Variants in PCDHA4 observed in about 807,000 individuals in gnomAD.
PCDHA4 encodes protocadherin alpha-4.
Under a neutral mutation model 61.4 loss-of-function variants are expected in PCDHA4, and 49 were observed. The ratio of observed to expected loss-of-function variants is 0.80; its 90% CI spans 0.63 to 1.01. The LOEUF is 1.01. PCDHA4 is among the 50% of genes least tolerant of loss of function. The pLI, the probability that PCDHA4 is intolerant of heterozygous loss-of-function variation, is 0.00. For synonymous variants in PCDHA4, 590 were observed against 550.3 expected (o/e 1.07, Z -1.01); for missense variants, 1,254 against 1,235.8 (o/e 1.01, Z -0.22).
chr5:140,858,371 C>G, intron 1 of PCDHA4: 1 of 1,588,766 alleles, frequency 6.3e-7, no homozygotes, highest in Non-Finnish European at 8.6e-7. Context: ...CCCCAGCCTT[C>G]CACCATGCCC....
chr5:141,006,177 AAG>A (rs2098258661), intron 3 of PCDHA4, among the ~76,000 whole-genome samples: 2 of 151,826 alleles, frequency 1.3e-5, no homozygotes, highest in African/African-American at 4.8e-5. Context: ...ATATTTTTAA[AAG>A]AGTTTGCTAT....
At chr5:140,988,828 A>C (rs1554250455) in intron 3 of PCDHA4, 1 of 152,170 alleles carries the variant, frequency 6.6e-6, no homozygotes, top group Non-Finnish European at 1.5e-5. Flanking sequence ...CCAAACAGAG[A>C]TCACGTGTCT....
chr5:140,870,825 C>G (rs1554164734), intron 1 of PCDHA4: 1 of 1,613,726 alleles, frequency 6.2e-7, no homozygotes. Flanking sequence ...GCGCGGGAGG[C>G]GCAGTTAACA....
rs781866730 is a variant in PCDHA4 at position 141,009,887 on chromosome 5, CAG to C, written c.2795_2796del (p.Gln932ArgfsTer11). ...GAAAAAGAAGAAGGGTAACAAGACCCAGGAGAAAAAAGAGAAAGGGAACAGCA... is the reference window on the plus strand; with the variant it reads ...GAAAAAGAAGAAGGGTAACAAGACCCGAGAAAAAAGAGAAAGGGAACAGCA... ...KKKKKKGNKTQEKKEKGNSTT... is the reference protein window; with the variant it reads ...KKKKKKGNKTXEKKEKGNSTT... On this transcript the variant is annotated frameshift_variant, in exon 4 of 4. Transcript: ENST00000530339. LOFTEE classifies it high-confidence loss of function. 1.9e-6 allele frequency: 3 copies of C among 1,612,850 alleles called. No homozygotes were observed. In the South Asian group the frequency reaches 3.3e-5, roughly 18 times the overall value.
intron 2 of PCDHA4, 26 bp downstream of exon 2, chr5:140,979,033 C>G: frequency 6.2e-7 from 1 of 1,613,044 alleles, no homozygotes; most frequent in Admixed American, 1.7e-5. Flanking sequence ...CTCATTCACT[C>G]AGAAGTAACC....
At position 140,886,685 on chromosome 5, in the gene PCDHA4, G is replaced by A. The variant is rs1250817978; in HGVS notation, c.2385+77113G>A. On this transcript the variant is annotated intron_variant, in intron 1 of 3. Transcript: ENST00000530339. The stretch of plus-strand genomic sequence containing the variant: ...TACTAAAAATACAAAAATTAGCGAG[G>A]CATGGTGGCACGCGCCTGTAATCCC... Among the ~76,000 whole-genome samples the A allele has an allele frequency of 2.6e-5, 4 of 152,080 alleles. No homozygotes were observed. In the East Asian group the frequency reaches 7.8e-4, roughly 30 times the overall value.
chr5:140,875,876 A>C, intron 1 of PCDHA4: 1 of 1,614,178 alleles, frequency 6.2e-7, no homozygotes, highest in South Asian at 1.1e-5. Flanking sequence ...GTGTTCAGAG[A>C]AAGGGAACAA....
At chr5:141,000,385 CTCTCTCTCTCTATA>C (rs1173975015) in intron 3 of PCDHA4, among the ~76,000 whole-genome samples, 30 of 64,968 alleles carry the variant, frequency 4.6e-4, no homozygotes, top group African/African-American at 1.8e-3. Context: ...CTCTCTCTCT[CTCTCTCTCTCTATA>C]TATATATATA....
intron 1 of PCDHA4, chr5:140,867,897 T>C (rs1402943903): frequency 6.6e-6 from 1 of 152,136 alleles, no homozygotes; most frequent in East Asian, 1.9e-4. Flanking sequence ...ATCAGGTACT[T>C]ACAGAAGGTA....
intron 1 of PCDHA4, among the ~76,000 whole-genome samples, chr5:140,840,016 A>G (rs1410068719): frequency 2.6e-5 from 4 of 152,124 alleles, no homozygotes; most frequent in African/African-American, 7.2e-5. Context: ...AGATTGGCTC[A>G]TGGTCACGTA....
Position 140,856,446 on chromosome 5 carries a change from C to T in PCDHA4, c.2385+46874C>T. On this transcript the variant is annotated intron_variant, in intron 1 of 3. Coordinates refer to ENST00000530339, the MANE Select transcript of PCDHA4 (RefSeq NM_018907.4). ...ATTAACGACAACCCGCCCAGGTTCTCCGTAACAGAACAAAAGCTCTCAATA... is the reference window on the plus strand; with the variant it reads ...ATTAACGACAACCCGCCCAGGTTCTTCGTAACAGAACAAAAGCTCTCAATA... 1.9e-6 allele frequency: 3 copies of T among 1,598,398 alleles called. 1 individual carries two copies. Among genetic ancestry groups the T allele is most frequent in the Non-Finnish European group, 8.6e-7 (1 of 1,167,936 alleles).
At chr5:140,848,580 G>C (rs2150413370) in intron 1 of PCDHA4, 5 of 1,595,144 alleles carry the variant, frequency 3.1e-6, no homozygotes, top group African/African-American at 1.3e-5. Context: ...GGTGGGGAGC[G>C]GCCAGCTCCA....
chr5:140,992,676 G>A (rs2097524186), intron 3 of PCDHA4, among the ~76,000 whole-genome samples: 1 of 152,146 alleles, frequency 6.6e-6, no homozygotes, highest in African/African-American at 2.4e-5. Flanking sequence ...GTATGTGTGT[G>A]TTAGGGGTTG....
intron 1 of PCDHA4, chr5:140,870,635 C>T (rs1365729454): frequency 1.9e-6 from 3 of 1,612,850 alleles, no homozygotes; most frequent in Non-Finnish European, 2.5e-6. Flanking sequence ...TCGGTGCACG[C>T]GGAGAGCGGC....
intron 1 of PCDHA4, among the ~76,000 whole-genome samples, chr5:140,914,944 CT>C (rs35695909): frequency 0.29 from 37,051 of 128,010 alleles, 4,894 homozygotes; most frequent in East Asian, 0.5. Flanking sequence ...GAAAAGTTGT[CT>C]TTTTTTTTTT....
chr5:141,000,423 T>C (rs470406), intron 3 of PCDHA4, among the ~76,000 whole-genome samples: 6 of 66,864 alleles, frequency 9.0e-5, no homozygotes, highest in Non-Finnish European at 1.8e-4. Context: ...ATATATATAT[T>C]TTTTTTTTTT....
rs373945193 is a variant in PCDHA4 at position 140,807,955 on chromosome 5, T to C, written c.768T>C (p.Pro256=). Residue 256 remains proline, a synonymous_variant, in exon 1 of 4, where the codon CCT becomes CCC. Transcript: ENST00000530339. ...AGGTGAGATTACTAGAAAATGTTCCTAATGGAACATTGGTAATTAAACTTA... is the reference window on the plus strand; with the variant it reads ...AGGTGAGATTACTAGAAAATGTTCCCAATGGAACATTGGTAATTAAACTTA... ...IYKVRLLENV[P]NGTLVIKLNA... 8.1e-6 allele frequency: 13 copies of C among 1,612,616 alleles called. No homozygotes were observed. The African/African-American group carries it at 1.5e-4, about 18-fold the overall frequency.
intron 1 of PCDHA4, chr5:140,877,285 G>C: frequency 1.2e-6 from 2 of 1,613,898 alleles, no homozygotes; most frequent in Non-Finnish European, 1.7e-6. Context: ...CGGCTATAAC[G>C]CTTGGCTGTC....
intron 1 of PCDHA4, chr5:140,875,217 C>G (rs1554167556): frequency 2.7e-6 from 2 of 734,894 alleles, no homozygotes; most frequent in African/African-American, 3.5e-5. Flanking sequence ...CCGAAAAGAA[C>G]CTCAGGATCT....
Sources: gnomAD v4.1 joint callset for allele counts (sites outside exome capture counted in the v4.1 genomes callset) on GRCh38, gnomAD v4.1.1 for gene constraint, MANE v1.5 for transcripts, NCBI Gene and HGNC (gene_info 2026-07-23, HGNC 2026-07-21) for gene names.